The following IL1RAPL1 variants were observed in gnomAD, a reference collection of about 807,000 sequenced individuals.
The protein encoded by IL1RAPL1 is interleukin-1 receptor accessory protein-like 1.
Under a neutral mutation model 48.4 loss-of-function variants are expected in IL1RAPL1, and 3 were observed. The observed-to-expected ratio is 0.06, with a 90% CI of 0.03 to 0.16. The LOEUF (loss-of-function observed/expected upper bound fraction) is 0.16, where lower values mean the gene tolerates loss of function less well. Ranked by LOEUF, IL1RAPL1 falls within the 10% of genes least tolerant of loss-of-function variation. IL1RAPL1 has a pLI of 1.00. For missense variants in IL1RAPL1, 349 were observed against 530.6 expected (o/e 0.66, Z 3.36); for synonymous variants, 185 against 187.7 (o/e 0.99, Z 0.12).
chrX:29,030,926 T>TC (rs201428992), intron 2 of IL1RAPL1, among the ~76,000 whole-genome samples: 25 of 111,594 alleles, frequency 2.2e-4, no homozygotes, highest in African/African-American at 6.5e-4. Context: ...ACATCATATT[T>TC]CCCCCCCATT....
rs146661323 is a variant in IL1RAPL1, at chrX:29,056,947, A to G, written c.83-225991A>G. 6.5e-3 allele frequency among the ~76,000 whole-genome samples: 729 copies of G among 112,422 alleles called. 8 individuals are homozygous for G. Among genetic ancestry groups the G allele is most frequent in the African/African-American group, 0.023 (698 of 31,005 alleles). ...ACACATTAACTATTTCAAGCAAATAAGATCCACTTACATAAATGACCATGT... is the reference window on the plus strand; with the variant it reads ...ACACATTAACTATTTCAAGCAAATAGGATCCACTTACATAAATGACCATGT... On this transcript the variant is annotated intron_variant, in intron 2 of 10. Transcript: ENST00000378993.
intron 5 of IL1RAPL1, among the ~76,000 whole-genome samples, chrX:29,415,641 G>C (rs956042930): frequency 9.0e-6 from 1 of 111,482 alleles, no homozygotes; most frequent in Non-Finnish European, 1.9e-5. Flanking sequence ...GGACGGTCTT[G>C]AACTCCTGAC....
intron 3 of IL1RAPL1, among the ~76,000 whole-genome samples, chrX:29,309,861 C>T (rs1204037917): frequency 2.8e-5 from 3 of 105,752 alleles, no homozygotes; most frequent in African/African-American, 1.0e-4. Flanking sequence ...TTTGGGTGGC[C>T]GAGGTGGGTG....
At chrX:29,754,894 C>T (rs1928575156) in intron 6 of IL1RAPL1, among the ~76,000 whole-genome samples, 1 of 112,598 alleles carries the variant, frequency 8.9e-6, no homozygotes, top group South Asian at 3.6e-4. Flanking sequence ...GGTTAGAAAC[C>T]TGGGCATGGC....
At chrX:28,717,691 T>G (rs1158852456) in intron 1 of IL1RAPL1, among the ~76,000 whole-genome samples, 1 of 111,544 alleles carries the variant, frequency 9.0e-6, no homozygotes, top group Admixed American at 9.6e-5. Flanking sequence ...TACAAAATCT[T>G]AATACCTGAG....
At chrX:29,505,895 C>T (rs776970586) in intron 5 of IL1RAPL1, among the ~76,000 whole-genome samples, 1 of 111,568 alleles carries the variant, frequency 9.0e-6, no homozygotes, top group Non-Finnish European at 1.9e-5. Flanking sequence ...AAGTAATTTT[C>T]TATATTTTGT....
chrX:29,098,112 A>T (rs1928254851), intron 2 of IL1RAPL1, among the ~76,000 whole-genome samples: 1 of 112,446 alleles, frequency 8.9e-6, no homozygotes, highest in African/African-American at 3.2e-5. Flanking sequence ...CTGGTGCTTG[A>T]TGAGAAGATT....
At chrX:29,549,484 T>A (rs1202198043) in intron 5 of IL1RAPL1, among the ~76,000 whole-genome samples, 1 of 112,052 alleles carries the variant, frequency 8.9e-6, no homozygotes, top group Non-Finnish European at 1.9e-5. Flanking sequence ...GTGCCTGATT[T>A]ATAAATTTGA....
chrX:28,860,701 C>T (rs992456677), intron 2 of IL1RAPL1, among the ~76,000 whole-genome samples: 1 of 110,271 alleles, frequency 9.1e-6, no homozygotes, highest in Non-Finnish European at 1.9e-5. Context: ...TCAGGTGATC[C>T]GCCCCCCCGC....
chrX:29,639,197 A>C (rs766130561), intron 5 of IL1RAPL1, among the ~76,000 whole-genome samples: 1 of 112,031 alleles, frequency 8.9e-6, no homozygotes, highest in South Asian at 3.7e-4. Flanking sequence ...AAAAAAAAAA[A>C]AAAACAGGTT....
chrX:29,717,141 A>G, intron 6 of IL1RAPL1, among the ~76,000 whole-genome samples: 1 of 109,788 alleles, frequency 9.1e-6, no homozygotes, highest in East Asian at 2.9e-4. Flanking sequence ...ATACCTACTG[A>G]GAATAAATGC....
At chrX:28,601,423 TCAAAACAAAA>T (rs748610900) in intron 1 of IL1RAPL1, among the ~76,000 whole-genome samples, 1 of 111,155 alleles carries the variant, frequency 9.0e-6, no homozygotes, top group Admixed American at 9.6e-5. Context: ...AGACTCCATC[TCAAAACAAAA>T]CAAAACAAAA....
At chrX:29,014,778 T>A (rs1926202609) in intron 2 of IL1RAPL1, among the ~76,000 whole-genome samples, 1 of 112,182 alleles carries the variant, frequency 8.9e-6, no homozygotes, top group Non-Finnish European at 1.9e-5. Context: ...TGTCATTATG[T>A]TAGCTCATCT....
chrX:28,992,489 C>CAAAAAAAAAAAAAGAAAAAA (rs1246127181), intron 2 of IL1RAPL1, among the ~76,000 whole-genome samples: 2 of 16,522 alleles, frequency 1.2e-4, no homozygotes, highest in African/African-American at 2.1e-4. Context: ...GACTCTGTCT[C>CAAAAAAAAAAAAAGAAAAAA]AAAAAAAAAA....
chrX:29,418,954 A>C (rs1934257505), intron 5 of IL1RAPL1, among the ~76,000 whole-genome samples: 1 of 112,383 alleles, frequency 8.9e-6, no homozygotes, highest in African/African-American at 3.2e-5. Context: ...GTAAGAAATA[A>C]AATTACACTC....
At chrX:28,796,889 G>T (rs1212034638) in intron 2 of IL1RAPL1, among the ~76,000 whole-genome samples, 1 of 112,244 alleles carries the variant, frequency 8.9e-6, no homozygotes, top group Non-Finnish European at 1.9e-5. Context: ...TTCTCCATGA[G>T]AGCCCCACCC....
intron 1 of IL1RAPL1, among the ~76,000 whole-genome samples, chrX:28,619,970 A>G (rs894237653): frequency 5.4e-5 from 6 of 111,383 alleles, no homozygotes; most frequent in African/African-American, 9.8e-5. Flanking sequence ...GGGGGGCATA[A>G]AGAAGGTTCT....
At chrX:29,335,077 C>T (rs1323860385) in intron 3 of IL1RAPL1, among the ~76,000 whole-genome samples, 1 of 111,549 alleles carries the variant, frequency 9.0e-6, no homozygotes, top group Non-Finnish European at 1.9e-5. Flanking sequence ...AGCTGGAGAC[C>T]AGCCCGGCCA....
At chrX:29,952,650 G>A (rs1186175949) in intron 9 of IL1RAPL1, among the ~76,000 whole-genome samples, 1 of 109,788 alleles carries the variant, frequency 9.1e-6, no homozygotes, top group Non-Finnish European at 1.9e-5. Flanking sequence ...GATTGTACTG[G>A]CCTATGGGCA....
Sources: gnomAD v4.1 joint callset for allele counts (sites outside exome capture counted in the v4.1 genomes callset) on GRCh38, gnomAD v4.1.1 for gene constraint, MANE v1.5 for transcripts, NCBI Gene and HGNC (gene_info 2026-07-23, HGNC 2026-07-21) for gene names.